KCNG3: variants seen among roughly 807,000 people sequenced by gnomAD.
The protein encoded by KCNG3 is potassium voltage-gated channel modifier subfamily G member 3, also known as voltage-gated potassium channel regulatory subunit KCNG3.
In KCNG3, 15 loss-of-function variants were observed where a neutral mutation model predicts 29.0. That is an observed-to-expected ratio of 0.52 (90% CI 0.35 to 0.80). The LOEUF (loss-of-function observed/expected upper bound fraction) is 0.80, where lower values mean the gene tolerates loss of function less well. Among genes scored for constraint, KCNG3 ranks in the 30% least tolerant of loss-of-function variants. The pLI, the probability that KCNG3 is intolerant of heterozygous loss-of-function variation, is 0.01. For synonymous variants in KCNG3, 322 were observed against 248.9 expected, an observed-to-expected ratio of 1.29 and a Z score of -2.76; for missense variants, 512 against 605.7, an observed-to-expected ratio of 0.85 and a Z score of 1.62.
chr2:42,397,336 G>A, the KCNG3 span, among the ~76,000 whole-genome samples: 794 of 152,060 alleles, frequency 5.2e-3, 5 homozygotes, highest in African/African-American at 0.018. Context: ...AAAAAAGCAA[G>A]GTATAGTATA....
chr2:42,490,928 C>T (rs1269566214), intron 1 of KCNG3, among the ~76,000 whole-genome samples: 1 of 152,166 alleles, frequency 6.6e-6, no homozygotes, highest in Non-Finnish European at 1.5e-5. Context: ...TAATGAGCAG[C>T]ATCCTCATTC....
At chr2:42,439,780 G>A (rs545313629), downstream of KCNG3, among the ~76,000 whole-genome samples, 52 of 151,548 alleles carry the variant, frequency 3.4e-4, no homozygotes, top group Non-Finnish European at 6.5e-4. Flanking sequence ...CCAAGTAGCT[G>A]GGATTACAGG....
chr2:42,452,913 C>G (rs1459541670), intron 1 of KCNG3, among the ~76,000 whole-genome samples: 1 of 152,146 alleles, frequency 6.6e-6, no homozygotes, highest in Non-Finnish European at 1.5e-5. Flanking sequence ...TCTTGAGCAG[C>G]TGGGACTACA....
chr2:42,405,673 T>C, the KCNG3 span, among the ~76,000 whole-genome samples: 5 of 152,034 alleles, frequency 3.3e-5, no homozygotes, highest in Admixed American at 6.6e-5. Flanking sequence ...AGTGGCGCAA[T>C]CTCAGCTCAC....
the KCNG3 span, among the ~76,000 whole-genome samples, chr2:42,389,984 G>C: frequency 6.6e-6 from 1 of 152,166 alleles, no homozygotes; most frequent in Non-Finnish European, 1.5e-5. Context: ...GTATAGGGCA[G>C]TGCCAGAGAT....
the KCNG3 span, among the ~76,000 whole-genome samples, chr2:42,424,171 C>T: frequency 6.6e-6 from 1 of 152,168 alleles, no homozygotes; most frequent in Non-Finnish European, 1.5e-5. Context: ...CACCCACACA[C>T]CAAAAAATTC....
At chr2:42,449,833 T>C (rs1558375101) in intron 1 of KCNG3, among the ~76,000 whole-genome samples, 1 of 152,184 alleles carries the variant, frequency 6.6e-6, no homozygotes. Context: ...TTAAAAGGGA[T>C]TGCAGGAGCA....
At chr2:42,436,344 A>G in the KCNG3 span, among the ~76,000 whole-genome samples, 1 of 152,222 alleles carries the variant, frequency 6.6e-6, no homozygotes, top group African/African-American at 2.4e-5. Flanking sequence ...AAAACCACAG[A>G]ACTGTACATT....
chr2:42,439,014 C>G (rs1359743036), downstream of KCNG3, among the ~76,000 whole-genome samples: 1 of 152,134 alleles, frequency 6.6e-6, no homozygotes, highest in African/African-American at 2.4e-5. Context: ...ACCCATGTTA[C>G]TTGACATTTC....
At chr2:42,428,935 A>G in the KCNG3 span, among the ~76,000 whole-genome samples, 2 of 152,106 alleles carry the variant, frequency 1.3e-5, no homozygotes, top group African/African-American at 4.8e-5. Flanking sequence ...CCTGGTCAAC[A>G]TGGTGAAGCC....
Position 42,463,011 on chromosome 2 carries a change from A to G in KCNG3, c.666-18432T>C, listed in dbSNP as rs1333936516. The G allele has an allele frequency of 1.9e-5, 3 of 154,124 alleles. 1 individual carries two copies. Among genetic ancestry groups the G allele is most frequent in the Non-Finnish European group, 4.3e-5 (3 of 69,402 alleles). The allele number at this position is 154,124 out of a possible 1,614,324, so 9.5% of individuals were successfully genotyped here. On this transcript the variant is annotated intron_variant, in intron 1 of 1. Coordinates refer to ENST00000306078, the MANE Select transcript of KCNG3 (RefSeq NM_133329.6). The stretch of plus-strand genomic sequence containing the variant: ...GGTAGCACTCTTTGAATCATCTTTA[A>G]CCTGGAGGTCTAGCATGAAATGTAG...
intron 1 of KCNG3, among the ~76,000 whole-genome samples, chr2:42,451,801 G>C (rs1467057702): frequency 1.3e-5 from 2 of 151,980 alleles, no homozygotes; most frequent in Non-Finnish European, 2.9e-5. Flanking sequence ...TTGGGAAGCT[G>C]AGGTGGGAGG....
the KCNG3 span, among the ~76,000 whole-genome samples, chr2:42,390,599 C>G: frequency 7.9e-5 from 12 of 152,180 alleles, no homozygotes; most frequent in Non-Finnish European, 1.8e-4. Flanking sequence ...CCCAGGGAAA[C>G]AAGGCTGCTG....
At chr2:42,482,540 C>A (rs554914024) in intron 1 of KCNG3, among the ~76,000 whole-genome samples, 1 of 152,070 alleles carries the variant, frequency 6.6e-6, no homozygotes, top group Admixed American at 6.6e-5. Flanking sequence ...CTAGCCAACA[C>A]GGTGAAACTC....
chr2:42,431,269 T>C, the KCNG3 span, among the ~76,000 whole-genome samples: 1 of 152,134 alleles, frequency 6.6e-6, no homozygotes, highest in Non-Finnish European at 1.5e-5. Context: ...ACTGAATACA[T>C]TTATTTTACA....
At chr2:42,420,016 A>G in the KCNG3 span, among the ~76,000 whole-genome samples, 1 of 152,096 alleles carries the variant, frequency 6.6e-6, no homozygotes, top group South Asian at 2.1e-4. Flanking sequence ...TGAGGTCAGG[A>G]GCTCGAGGCC....
At chr2:42,476,486 T>TTA (rs1673429125) in intron 1 of KCNG3, among the ~76,000 whole-genome samples, 3 of 148,738 alleles carry the variant, frequency 2.0e-5, no homozygotes, top group Non-Finnish European at 4.5e-5. Flanking sequence ...AATAAAAATT[T>TTA]AAAAAAAAAA....
At chr2:42,445,371 A>T (rs1242578462) in intron 1 of KCNG3, among the ~76,000 whole-genome samples, 1 of 152,202 alleles carries the variant, frequency 6.6e-6, no homozygotes, top group Non-Finnish European at 1.5e-5. Context: ...CAGTCAATGC[A>T]AGATCATTTC....
the KCNG3 span, among the ~76,000 whole-genome samples, chr2:42,414,725 C>G: frequency 6.6e-6 from 1 of 152,130 alleles, no homozygotes; most frequent in Non-Finnish European, 1.5e-5. Flanking sequence ...GCTAAAATAT[C>G]TCAGTCTATC....
Sources: gnomAD v4.1 joint callset for allele counts (sites outside exome capture counted in the v4.1 genomes callset) on GRCh38, gnomAD v4.1.1 for gene constraint, MANE v1.5 for transcripts, NCBI Gene and HGNC (gene_info 2026-07-23, HGNC 2026-07-21) for gene names.